The following NEDD9 variants were observed in gnomAD, a reference collection of about 807,000 sequenced individuals.
The protein encoded by NEDD9 is neural precursor cell expressed, developmentally down-regulated 9, also known as enhancer of filamentation 1.
A neutral mutation model predicts 76.6 loss-of-function variants in NEDD9; 26 were observed. That is an observed-to-expected ratio of 0.34 (90% confidence interval 0.25 to 0.47). The LOEUF (loss-of-function observed/expected upper bound fraction) is 0.47. Ranked by LOEUF, NEDD9 falls within the 20% of genes least tolerant of loss-of-function variation. The pLI, the probability that NEDD9 is intolerant of heterozygous loss-of-function variation, is 1.00. For synonymous variants in NEDD9, 392 were observed against 414.2 expected (o/e 0.95, Z 0.65); for missense variants, 937 against 1,058.5 (o/e 0.89, Z 1.59).
intron 1 of NEDD9, among the ~76,000 whole-genome samples, chr6:11,335,986 C>A (rs990193871): frequency 1.3e-5 from 2 of 150,284 alleles, no homozygotes; most frequent in South Asian, 2.1e-4. Flanking sequence ...TTACTTCCAA[C>A]TCCTGTCTCC....
Position 11,185,376 on chromosome 6 carries a change from G to A in NEDD9, c.2291C>T (p.Thr764Ile), listed in dbSNP as rs754052127. ...HKLVFIGDTL[T>I]RQVTAQDIRN... ...AATGTCCTGGGCAGTCACCTGCCGT[G>A]TCAGCGTGTCTCCAATGAACACCAG... The change falls in exon 7 of 7, where the codon ACA becomes ATA. Residue 764 changes from threonine (T) to isoleucine (I), a missense_variant. Coordinates refer to ENST00000379446, the MANE Select transcript of NEDD9 (RefSeq NM_006403.4). The A allele has an allele frequency of 6.2e-7, 1 of 1,614,208 alleles. No homozygotes were observed. The highest frequency in any genetic ancestry group is 1.1e-5 in the South Asian group (1 of 91,086).
Position 11,190,865 on chromosome 6 carries a change from T to C in NEDD9, c.1004A>G (p.Lys335Arg), listed in dbSNP as rs1434451492. The stretch of plus-strand genomic sequence containing the variant: ...ACCATCCCTTTCCTGGGGGTTTGCT[T>C]TCTCACTGGTTTCTGCTGGTGGCTC... ...FLEPPAETSE[K>R]ANPQERDGVY... The change falls in exon 5 of 7, where the codon AAA becomes AGA. Residue 335 changes from lysine (K) to arginine (R), a missense_variant. Transcript: ENST00000379446. This position sits in a 1 kb window ranked among gnomAD's most constrained non-coding sequence, Gnocchi z 5.8. The C allele has an allele frequency of 8.1e-6, 13 of 1,614,090 alleles. No homozygotes were observed. Among genetic ancestry groups the C allele is most frequent in the Non-Finnish European group, 1.1e-5 (13 of 1,180,010 alleles).
chr6:11,215,653 G>A (rs568225206), intron 1 of NEDD9, among the ~76,000 whole-genome samples: 1 of 152,302 alleles, frequency 6.6e-6, no homozygotes, highest in South Asian at 2.1e-4. Flanking sequence ...ATTATTAAGT[G>A]AGGAGATAGC....
chr6:11,244,228 A>C (rs1302036199), intron 3 of NEDD9, among the ~76,000 whole-genome samples: 2 of 152,116 alleles, frequency 1.3e-5, no homozygotes, highest in African/African-American at 4.8e-5. Context: ...CAACTCCTTG[A>C]AAACAAACCA....
intron 2 of NEDD9, among the ~76,000 whole-genome samples, chr6:11,306,639 C>T (rs926939710): frequency 5.3e-5 from 8 of 152,114 alleles, no homozygotes; most frequent in Non-Finnish European, 1.0e-4. Flanking sequence ...TCCCTGAGGC[C>T]CCACCATCCC....
At chr6:11,376,841 G>A (rs1762975396) in intron 1 of NEDD9, among the ~76,000 whole-genome samples, 1 of 152,214 alleles carries the variant, frequency 6.6e-6, no homozygotes, top group Non-Finnish European at 1.5e-5. Flanking sequence ...CTTGAGGACA[G>A]CCCCTCCCAT....
intron 1 of NEDD9, among the ~76,000 whole-genome samples, chr6:11,377,337 C>G (rs911210864): frequency 6.6e-6 from 1 of 152,252 alleles, no homozygotes; most frequent in Non-Finnish European, 1.5e-5. Flanking sequence ...CAACTTAAAC[C>G]CATGAGAGCA....
At chr6:11,240,238 G>A (rs188212318) in intron 3 of NEDD9, among the ~76,000 whole-genome samples, 2 of 152,138 alleles carry the variant, frequency 1.3e-5, no homozygotes, top group African/African-American at 4.8e-5. Context: ...AGTTTCTCTA[G>A]ATCTTCTAGG....
At chr6:11,329,824 T>A (rs1248126560) in intron 2 of NEDD9, among the ~76,000 whole-genome samples, 3 of 152,106 alleles carry the variant, frequency 2.0e-5, no homozygotes, top group East Asian at 3.9e-4. Context: ...CTAAACATCC[T>A]ATAATGCACA....
intron 3 of NEDD9, among the ~76,000 whole-genome samples, chr6:11,260,349 C>G (rs1450728097): frequency 1.3e-5 from 2 of 152,258 alleles, no homozygotes; most frequent in Non-Finnish European, 2.9e-5. Context: ...AAAACATGGT[C>G]TTTAGAATCA....
chr6:11,320,422 G>A (rs1464449669), intron 2 of NEDD9, among the ~76,000 whole-genome samples: 2 of 152,126 alleles, frequency 1.3e-5, no homozygotes, highest in African/African-American at 4.8e-5. Flanking sequence ...GGGACTGCCA[G>A]GTCCCGTTGC....
At chr6:11,244,265 A>ACACACACACACGTGTGTG (rs1040892877) in intron 3 of NEDD9, among the ~76,000 whole-genome samples, 6 of 151,968 alleles carry the variant, frequency 3.9e-5, no homozygotes, top group African/African-American at 7.2e-5. Flanking sequence ...CTCTTTACAC[A>ACACACACACACGTGTGTG]CACACACACA....
At chr6:11,345,609 A>T (rs984877516) in intron 1 of NEDD9, among the ~76,000 whole-genome samples, 4 of 152,130 alleles carry the variant, frequency 2.6e-5, no homozygotes, top group Non-Finnish European at 5.9e-5. Flanking sequence ...GGAACCTTAG[A>T]TCATACAAGA....
intron 3 of NEDD9, among the ~76,000 whole-genome samples, chr6:11,274,473 G>T (rs1760377065): frequency 6.6e-6 from 1 of 152,146 alleles, no homozygotes; most frequent in African/African-American, 2.4e-5. Context: ...GCACCCCTAG[G>T]TCTATCCTTG....
chr6:11,268,297 C>A (rs1361407499), intron 3 of NEDD9, among the ~76,000 whole-genome samples: 1 of 152,118 alleles, frequency 6.6e-6, no homozygotes, highest in Non-Finnish European at 1.5e-5. Flanking sequence ...TCCCAAAGTG[C>A]TGGGATTACA....
intron 1 of NEDD9, among the ~76,000 whole-genome samples, chr6:11,366,881 C>T (rs1030050877): frequency 6.6e-6 from 1 of 152,156 alleles, no homozygotes; most frequent in Non-Finnish European, 1.5e-5. Flanking sequence ...GCCCCAGGAC[C>T]ACTGTGAAAG....
rs927620210 is a variant in NEDD9, at chr6:11,232,654, C to T, written c.-139G>A. The T allele has an allele frequency of 1.3e-6, 2 of 1,551,412 alleles. No homozygotes were observed. The highest frequency in any genetic ancestry group is 2.7e-5 in the African/African-American group (2 of 73,846). Reference sequence around the variant, plus strand: ...CAGAGCCGCTTGTCAGTCGCAGCGCCTCCCTCAAGTCTCTGAGCTCACTGT... The same window carrying T: ...CAGAGCCGCTTGTCAGTCGCAGCGCTTCCCTCAAGTCTCTGAGCTCACTGT... On this transcript the variant is annotated 5_prime_UTR_variant, in exon 1 of 7. Coordinates refer to ENST00000379446, the MANE Select transcript of NEDD9 (RefSeq NM_006403.4).
At chr6:11,368,201 C>T (rs537988919) in intron 1 of NEDD9, among the ~76,000 whole-genome samples, 14 of 152,022 alleles carry the variant, frequency 9.2e-5, no homozygotes, top group Non-Finnish European at 1.8e-4. Context: ...CTGGGGGGTA[C>T]CCAGAAACCC....
intron 3 of NEDD9, among the ~76,000 whole-genome samples, chr6:11,289,838 A>G (rs1393347229): frequency 6.6e-6 from 1 of 152,200 alleles, no homozygotes; most frequent in African/African-American, 2.4e-5. Flanking sequence ...GAGATCTCAG[A>G]CTGTTAAATA....
Sources: gnomAD v4.1 joint callset for allele counts (sites outside exome capture counted in the v4.1 genomes callset) on GRCh38, gnomAD v4.1.1 for gene constraint, Gnocchi (gnomAD v3.1) non-coding constraint, MANE v1.5 for transcripts, NCBI Gene and HGNC (gene_info 2026-07-23, HGNC 2026-07-21) for gene names.